The following CREB5 variants were observed in gnomAD, a reference collection of about 807,000 sequenced individuals.
CREB5 encodes the protein cyclic AMP-responsive element-binding protein 5.
Under a neutral mutation model 57.1 loss-of-function variants are expected in CREB5, and 19 were observed. The ratio of observed to expected loss-of-function variants is 0.33; its 90% CI spans 0.23 to 0.49. CREB5 has a LOEUF of 0.49. CREB5 is among the 20% of genes least tolerant of loss of function. The pLI is 0.99. For missense variants in CREB5, 579 were observed against 671.6 expected (o/e 0.86, Z 1.52); for synonymous variants, 238 against 238.3 (o/e 1.00, Z 0.01).
At chr7:28,746,999 C>T (rs909178959) in intron 7 of CREB5, among the ~76,000 whole-genome samples, 1 of 152,156 alleles carries the variant, frequency 6.6e-6, no homozygotes, top group Non-Finnish European at 1.5e-5. Context: ...TTTCTTCCCC[C>T]TCAAGAAATA....
intron 5 of CREB5, among the ~76,000 whole-genome samples, chr7:28,611,482 T>C: frequency 1.0e-5 from 1 of 95,932 alleles, no homozygotes; most frequent in Admixed American, 1.3e-4. Flanking sequence ...TGAAACCCCA[T>C]CTCTACTAAA....
chr7:28,453,748 A>C (rs1789950376), intron 1 of CREB5, among the ~76,000 whole-genome samples: 1 of 152,224 alleles, frequency 6.6e-6, no homozygotes, highest in Non-Finnish European at 1.5e-5. Context: ...CTGCTGTTCT[A>C]GATATATCTG....
intron 1 of CREB5, among the ~76,000 whole-genome samples, chr7:28,472,759 G>T (rs886599833): frequency 1.3e-5 from 2 of 152,164 alleles, no homozygotes; most frequent in Non-Finnish European, 2.9e-5. Flanking sequence ...GTACTTCGAC[G>T]ATCCAAGGTC....
At chr7:28,405,925 A>G (rs1787569964) in intron 1 of CREB5, among the ~76,000 whole-genome samples, 1 of 152,166 alleles carries the variant, frequency 6.6e-6, no homozygotes, top group Non-Finnish European at 1.5e-5. Flanking sequence ...CCTGGACCCA[A>G]TGCCAAACCT....
At chr7:28,454,999 C>T (rs1431438455) in intron 1 of CREB5, among the ~76,000 whole-genome samples, 4 of 152,146 alleles carry the variant, frequency 2.6e-5, no homozygotes, top group Non-Finnish European at 5.9e-5. Flanking sequence ...GATCTGAGCA[C>T]CTCCCTGACG....
chr7:28,549,599 A>T (rs1284091843), intron 4 of CREB5, among the ~76,000 whole-genome samples: 2 of 152,186 alleles, frequency 1.3e-5, no homozygotes, highest in Non-Finnish European at 2.9e-5. Context: ...CTACCTTTGG[A>T]AATGTTCACA....
In CREB5 at chr7:28,819,107, T is replaced by C. The variant is rs758425324; in HGVS notation, c.1364-9T>C. On this transcript the variant is annotated splice_polypyrimidine_tract_variant and intron_variant, in intron 10 of 10. Transcript: ENST00000357727. ...TATGTGTGTGTGTTGTCTTTTTTTT[T>C]CTCCCTAGGTCCAGAGAGTAGCCCT... is the stretch of plus-strand genomic sequence containing the variant. The C allele has an allele frequency of 8.6e-5, 138 of 1,608,906 alleles. 1 individual carries two copies. The Middle Eastern group carries it at 2.0e-3, about 23-fold the overall frequency.
chr7:28,670,866 T>C (rs1329260453), intron 5 of CREB5, among the ~76,000 whole-genome samples: 1 of 152,202 alleles, frequency 6.6e-6, no homozygotes. Context: ...TCCATTTCCC[T>C]TTCTTTTTAA....
intron 4 of CREB5, among the ~76,000 whole-genome samples, chr7:28,557,377 CTTTTAAAGAAGTA>C: frequency 6.6e-6 from 1 of 152,094 alleles, no homozygotes; most frequent in African/African-American, 2.4e-5. Context: ...GAATTCATGA[CTTTTAAAGAAGTA>C]TTTTAAAGAC....
In CREB5 at chr7:28,459,605, C is replaced by G. The variant is rs12666636; in HGVS notation, c.4-28570C>G. 2.6e-4 allele frequency among the ~76,000 whole-genome samples: 39 copies of G among 152,060 alleles called. No individual in the cohort carries two copies. The South Asian group carries it at 7.9e-3, about 31-fold the overall frequency. The stretch of plus-strand genomic sequence containing the variant: ...TACTTCCCTCCTTTTTGCTTCAGCC[C>G]GAGGCAGATGGCAGACATGGATACA... On this transcript the variant is annotated intron_variant, in intron 1 of 10. Coordinates refer to ENST00000357727, the MANE Select transcript of CREB5 (RefSeq NM_182898.4).
intron 5 of CREB5, among the ~76,000 whole-genome samples, chr7:28,583,073 C>A (rs1327230093): frequency 6.6e-6 from 1 of 152,138 alleles, no homozygotes; most frequent in Non-Finnish European, 1.5e-5. Context: ...TGGAGATTGG[C>A]CAGGTGGGCA....
chr7:28,367,685 G>A (rs577086921), intron 1 of CREB5, among the ~76,000 whole-genome samples: 7 of 152,314 alleles, frequency 4.6e-5, no homozygotes, highest in African/African-American at 7.2e-5. Flanking sequence ...GCGCATGCCT[G>A]TAATCCCAGC....
At chr7:28,708,310 GA>G (rs1375546225) in intron 5 of CREB5, among the ~76,000 whole-genome samples, 17 of 152,262 alleles carry the variant, frequency 1.1e-4, no homozygotes, top group African/African-American at 3.6e-4. Flanking sequence ...CACAGCTGCT[GA>G]AAACCACTCC....
intron 4 of CREB5, among the ~76,000 whole-genome samples, chr7:28,555,311 G>A (rs1794820684): frequency 6.6e-6 from 1 of 152,110 alleles, no homozygotes; most frequent in South Asian, 2.1e-4. Flanking sequence ...TCAATACTAG[G>A]TACAACTGCA....
chr7:28,567,668 A>G (rs1224552408), intron 4 of CREB5, among the ~76,000 whole-genome samples: 5 of 152,196 alleles, frequency 3.3e-5, no homozygotes, highest in Admixed American at 6.5e-5. Context: ...TGCCTACATG[A>G]TGATTGATTC....
chr7:28,384,484 C>T (rs1787039199), intron 1 of CREB5, among the ~76,000 whole-genome samples: 1 of 151,836 alleles, frequency 6.6e-6, no homozygotes, highest in Admixed American at 6.6e-5. Flanking sequence ...CCATCCTTGC[C>T]CCTCAGATAA....
intron 1 of CREB5, among the ~76,000 whole-genome samples, chr7:28,354,985 C>G (rs951367085): frequency 4.6e-5 from 7 of 152,184 alleles, no homozygotes; most frequent in African/African-American, 1.7e-4. Context: ...GGCCTAGCCA[C>G]CCCCGCATGG....
chr7:28,445,711 C>T (rs1789421478), intron 1 of CREB5, among the ~76,000 whole-genome samples: 1 of 152,052 alleles, frequency 6.6e-6, no homozygotes, highest in African/African-American at 2.4e-5. Context: ...GCCACCACGC[C>T]TGGCTAATTT....
intron 7 of CREB5, among the ~76,000 whole-genome samples, chr7:28,759,720 G>A (rs193148379): frequency 6.6e-6 from 1 of 152,232 alleles, no homozygotes; most frequent in Non-Finnish European, 1.5e-5. Context: ...TTTGTATAGA[G>A]AATGCAAAAC....
Sources: gnomAD v4.1 joint callset for allele counts (sites outside exome capture counted in the v4.1 genomes callset) on GRCh38, gnomAD v4.1.1 for gene constraint, MANE v1.5 for transcripts, NCBI Gene and HGNC (gene_info 2026-07-23, HGNC 2026-07-21) for gene names.